The following KCND2 variants were observed in gnomAD, a reference collection of about 807,000 sequenced individuals.
KCND2 encodes the protein potassium voltage-gated channel subfamily D member 2, also known as A-type voltage-gated potassium channel KCND2.
A neutral mutation model predicts 54.4 loss-of-function variants in KCND2; 16 were observed. That is an observed-to-expected ratio of 0.29 (90% CI 0.20 to 0.45). KCND2 has a LOEUF of 0.45. Ranked by LOEUF, KCND2 falls within the 20% of genes least tolerant of loss-of-function variation. The pLI is 1.00. For missense variants in KCND2, 486 were observed against 824.2 expected (o/e 0.59, Z 5.02); for synonymous variants, 317 against 310.7 (o/e 1.02, Z -0.21).
chr7:120,599,411 C>T (rs1792787098), intron 1 of KCND2, among the ~76,000 whole-genome samples: 1 of 151,934 alleles, frequency 6.6e-6, no homozygotes, highest in Admixed American at 6.6e-5. Flanking sequence ...AATTATTTGA[C>T]AGGCTTGGGG....
rs890040662 is a variant in KCND2 at position 120,328,701 on chromosome 7, T to C, written c.1115+52954T>C. ...TTCTGATCTACAGGTAACTTATCTT[T>C]CATCTTTACATTTTCTTCTTATCTT... On this transcript the variant is annotated intron_variant, in intron 1 of 5. Coordinates refer to ENST00000331113, the MANE Select transcript of KCND2 (RefSeq NM_012281.3). Among the ~76,000 whole-genome samples the C allele has an allele frequency of 9.9e-5, 15 of 152,206 alleles. 1 individual carries two copies. The highest frequency in any genetic ancestry group is 4.6e-4 in the Admixed American group (7 of 15,268).
chr7:120,479,976 AAAAG>A (rs1253427955), intron 1 of KCND2, among the ~76,000 whole-genome samples: 9 of 149,918 alleles, frequency 6.0e-5, no homozygotes, highest in Non-Finnish European at 8.9e-5. Flanking sequence ...AAAAAAAAAA[AAAAG>A]AAAGAAAGAA....
Position 120,526,801 on chromosome 7 carries a change from A to G in KCND2, c.1116-206102A>G, listed in dbSNP as rs1215307449. On this transcript the variant is annotated intron_variant, in intron 1 of 5. Transcript: ENST00000331113. ...ACACTGGACACAGTTCTATTTTTCA[A>G]TATAGAGAACTCTGATTTTTTTCAA... 2.0e-5 allele frequency among the ~76,000 whole-genome samples: 3 copies of G among 152,144 alleles called. No homozygotes were observed. In the East Asian group the frequency reaches 5.8e-4, roughly 29 times the overall value.
At chr7:120,522,374 C>A (rs1261172595) in intron 1 of KCND2, among the ~76,000 whole-genome samples, 1 of 152,112 alleles carries the variant, frequency 6.6e-6, no homozygotes, top group East Asian at 1.9e-4. Flanking sequence ...TATGGCGTGA[C>A]CCTGAGTGAA....
At chr7:120,438,843 G>A (rs1433694433) in intron 1 of KCND2, among the ~76,000 whole-genome samples, 3 of 151,908 alleles carry the variant, frequency 2.0e-5, no homozygotes, top group South Asian at 2.1e-4. Context: ...TTTTCAATTC[G>A]TGTATATAGT....
chr7:120,700,191 G>C (rs1361760026), intron 1 of KCND2, among the ~76,000 whole-genome samples: 1 of 152,138 alleles, frequency 6.6e-6, no homozygotes, highest in African/African-American at 2.4e-5. Flanking sequence ...GATATAAATA[G>C]AACAGTAGAG....
At chr7:120,481,536 C>T (rs1391296248) in intron 1 of KCND2, among the ~76,000 whole-genome samples, 1 of 152,162 alleles carries the variant, frequency 6.6e-6, no homozygotes, top group Non-Finnish European at 1.5e-5. Flanking sequence ...GAGAAAGACA[C>T]TGAAGGCATT....
intron 1 of KCND2, among the ~76,000 whole-genome samples, chr7:120,396,772 A>T (rs1270414911): frequency 6.6e-6 from 1 of 152,038 alleles, no homozygotes; most frequent in Non-Finnish European, 1.5e-5. Flanking sequence ...GGTAAAAGCA[A>T]GAACTCTCCA....
intron 1 of KCND2, among the ~76,000 whole-genome samples, chr7:120,536,820 T>G (rs1791917324): frequency 6.6e-6 from 1 of 152,212 alleles, no homozygotes; most frequent in Non-Finnish European, 1.5e-5. Flanking sequence ...CTCCTCAAAG[T>G]CACCCATGAG....
intron 1 of KCND2, among the ~76,000 whole-genome samples, chr7:120,591,604 T>A (rs1196754619): frequency 1.3e-5 from 2 of 150,602 alleles, no homozygotes; most frequent in African/African-American, 5.0e-5. Flanking sequence ...TCATACAGAA[T>A]CATAACCATG....
intron 1 of KCND2, among the ~76,000 whole-genome samples, chr7:120,471,271 G>A (rs892447348): frequency 2.6e-5 from 4 of 152,016 alleles, no homozygotes; most frequent in Non-Finnish European, 5.9e-5. Flanking sequence ...TCCTTGAATT[G>A]CAGACAGCAT....
At chr7:120,735,025 ATCT>A (rs1792853618) in intron 2 of KCND2, among the ~76,000 whole-genome samples, 1 of 152,102 alleles carries the variant, frequency 6.6e-6, no homozygotes. Flanking sequence ...ACTGTCAAAG[ATCT>A]TCTTCCTTTA....
At chr7:120,616,379 A>T (rs1793024956) in intron 1 of KCND2, among the ~76,000 whole-genome samples, 1 of 152,206 alleles carries the variant, frequency 6.6e-6, no homozygotes, top group African/African-American at 2.4e-5. Flanking sequence ...ACTATTCTAT[A>T]TAGGGCTAAC....
intron 1 of KCND2, among the ~76,000 whole-genome samples, chr7:120,525,472 C>A (rs1204654214): frequency 6.6e-6 from 1 of 152,108 alleles, no homozygotes; most frequent in Non-Finnish European, 1.5e-5. Context: ...AGTTTTAAAT[C>A]AGCATAATAG....
chr7:120,586,166 GACAC>G (rs144481094), intron 1 of KCND2, among the ~76,000 whole-genome samples: 78 of 150,526 alleles, frequency 5.2e-4, no homozygotes, highest in Non-Finnish European at 8.9e-5. Flanking sequence ...CTCACACACA[GACAC>G]ACACACACAC....
chr7:120,330,749 GA>G (rs1800055804), intron 1 of KCND2, among the ~76,000 whole-genome samples: 1 of 152,022 alleles, frequency 6.6e-6, no homozygotes, highest in Non-Finnish European at 1.5e-5. Context: ...ATTTTAGAAT[GA>G]AAAATTATAG....
At chr7:120,717,897 T>A (rs1307561043) in intron 1 of KCND2, among the ~76,000 whole-genome samples, 1 of 152,134 alleles carries the variant, frequency 6.6e-6, no homozygotes, top group Non-Finnish European at 1.5e-5. Flanking sequence ...TAGAGGTCAC[T>A]AACAGCAAGA....
intron 1 of KCND2, among the ~76,000 whole-genome samples, chr7:120,374,261 A>G (rs1800805206): frequency 6.6e-6 from 1 of 151,842 alleles, no homozygotes; most frequent in Admixed American, 6.6e-5. Context: ...TCTAATGCTT[A>G]TGACAATTTT....
At chr7:120,622,485 T>TTTTATA (rs562549225) in intron 1 of KCND2, among the ~76,000 whole-genome samples, 2 of 150,986 alleles carry the variant, frequency 1.3e-5, no homozygotes, top group African/African-American at 4.9e-5. Flanking sequence ...TGCGAAATTG[T>TTTTATA]TATATATATA....
Sources: allele counts gnomAD v4.1 joint callset (sites outside exome capture counted in the v4.1 genomes callset), GRCh38; gene constraint gnomAD v4.1.1; transcripts MANE v1.5; gene names NCBI Gene and HGNC (gene_info 2026-07-23, HGNC 2026-07-21).